OSBPL8: variants seen among roughly 807,000 people sequenced by gnomAD.
OSBPL8 encodes the protein oxysterol binding protein like 8, also known as oxysterol-binding protein-related protein 8.
OSBPL8 carries 59 observed loss-of-function variants against 125.5 expected under a neutral mutation model. The observed-to-expected ratio is 0.47, with a 90% CI of 0.38 to 0.58. OSBPL8 has a LOEUF of 0.58. Ranked by LOEUF, OSBPL8 falls within the 20% of genes least tolerant of loss-of-function variation. The probability of loss-of-function intolerance (pLI) is 0.00; values close to 1 mark genes in which losing one functional copy is unlikely to be tolerated. For synonymous variants in OSBPL8, 330 were observed against 338.9 expected (o/e 0.97, Z 0.29); for missense variants, 758 against 1,047.8 (o/e 0.72, Z 3.82).
intron 1 of OSBPL8, among the ~76,000 whole-genome samples, chr12:76,507,700 G>A (rs781107114): frequency 6.6e-6 from 1 of 151,484 alleles, no homozygotes; most frequent in African/African-American, 2.4e-5. Context: ...GTGCATGCCT[G>A]TAATCCCAGC....
Position 76,536,537 on chromosome 12 carries a change from C to T in OSBPL8, c.-68+22860G>A, listed in dbSNP as rs1400855008. ...GCTGGTAAATTACAGCAACACAATT[C>T]ATATTAGTTGAATTTGTATCTACCC... On this transcript the variant is annotated intron_variant, in intron 1 of 23. Transcript: ENST00000261183. 3.3e-5 allele frequency among the ~76,000 whole-genome samples: 5 copies of T among 152,158 alleles called. No individual in the cohort carries two copies. The East Asian group carries it at 7.7e-4, about 23-fold the overall frequency.
intron 2 of OSBPL8, among the ~76,000 whole-genome samples, chr12:76,486,820 T>C (rs1042851481): frequency 3.3e-5 from 5 of 152,148 alleles, no homozygotes; most frequent in African/African-American, 1.2e-4. Context: ...ATTTGAGATT[T>C]GGAGGCATTT....
intron 4 of OSBPL8, among the ~76,000 whole-genome samples, chr12:76,438,010 G>C (rs549318993): frequency 1.3e-5 from 2 of 151,376 alleles, no homozygotes; most frequent in African/African-American, 4.9e-5. Flanking sequence ...TTTTTGAGAC[G>C]GAGTCTTGCT....
chr12:76,395,542 C>T (rs1953755103), intron 8 of OSBPL8, among the ~76,000 whole-genome samples: 1 of 141,210 alleles, frequency 7.1e-6, no homozygotes, highest in African/African-American at 2.7e-5. Context: ...ATGACTTTAA[C>T]AAATACCGTA....
intron 4 of OSBPL8, among the ~76,000 whole-genome samples, chr12:76,437,153 T>C (rs1871558053): frequency 6.6e-6 from 1 of 152,206 alleles, no homozygotes; most frequent in South Asian, 2.1e-4. Context: ...CGTGAGAGTA[T>C]TCCTAGAAGC....
intron 1 of OSBPL8, among the ~76,000 whole-genome samples, chr12:76,537,392 C>T (rs1181912859): frequency 6.6e-6 from 1 of 152,108 alleles, no homozygotes; most frequent in Non-Finnish European, 1.5e-5. Flanking sequence ...TTAAAGAATG[C>T]AGGGTTACCA....
intron 1 of OSBPL8, among the ~76,000 whole-genome samples, chr12:76,506,683 T>TA (rs1375656968): frequency 6.6e-6 from 1 of 152,182 alleles, no homozygotes; most frequent in Non-Finnish European, 1.5e-5. Context: ...AAATTAATGA[T>TA]AAATGCCCTA....
intron 2 of OSBPL8, among the ~76,000 whole-genome samples, chr12:76,471,744 CA>C (rs1372839884): frequency 1.3e-5 from 2 of 152,188 alleles, no homozygotes; most frequent in African/African-American, 2.4e-5. Context: ...TGCATTCCTC[CA>C]AACACCCATC....
chr12:76,498,721 C>T (rs1389933600), intron 1 of OSBPL8, among the ~76,000 whole-genome samples: 1 of 136,736 alleles, frequency 7.3e-6, no homozygotes, highest in African/African-American at 2.8e-5. Flanking sequence ...TAAAAGCCTC[C>T]CCACTTTTTT....
chr12:76,558,133 A>T (rs992196278), intron 1 of OSBPL8, among the ~76,000 whole-genome samples: 2 of 148,694 alleles, frequency 1.3e-5, no homozygotes, highest in African/African-American at 5.2e-5. Flanking sequence ...ATATTAAAAA[A>T]AAATAAAAGT....
At position 76,352,992 on chromosome 12, in the gene OSBPL8, T is replaced by TA. The variant is rs1415246359; in HGVS notation, c.*2896dup. 6.6e-6 allele frequency: 1 copy of TA among 152,384 alleles called. No individual in the cohort carries two copies. The highest frequency in any genetic ancestry group is 2.4e-5 in the African/African-American group (1 of 41,410). The allele number at this position is 152,384 out of a possible 1,614,324, so 9.4% of individuals were successfully genotyped here. A position where few individuals can be genotyped will look rare whatever the true frequency, so the allele number is the denominator to read the frequency against. ...ATTGTTTAAATATACTATAGCTATA[T>TA]AAAAAGAAAGTAACACACAGAAATG... On this transcript the variant is annotated 3_prime_UTR_variant, in exon 24 of 24. Transcript: ENST00000261183.
intron 4 of OSBPL8, among the ~76,000 whole-genome samples, chr12:76,439,427 A>T (rs80037454): frequency 0.024 from 3,582 of 152,230 alleles, 44 homozygotes; most frequent in Admixed American, 0.039. Context: ...AGAATGATTT[A>T]AAAAAACTGT....
rs1951891925 is a variant in OSBPL8 at position 76,353,584 on chromosome 12, A to G, written c.*2305T>C. On this transcript the variant is annotated 3_prime_UTR_variant, in exon 24 of 24. Transcript: ENST00000261183. ...AAATAACATTCAAAGTCAATTACAT[A>G]TATGGCTACAAAGTTAGTAATTATG... 6.6e-6 allele frequency: 1 copy of G among 152,414 alleles called. No homozygotes were observed. The highest frequency in any genetic ancestry group is 2.1e-4 in the South Asian group (1 of 4,834). 9.4% of individuals were successfully genotyped at this position (152,414 alleles called of 1,614,324 possible). A position where few individuals can be genotyped will look rare whatever the true frequency, so the allele number is the denominator to read the frequency against.
intron 21 of OSBPL8, chr12:76,366,603 T>C (rs1432876054): frequency 2.2e-6 from 1 of 449,100 alleles, no homozygotes; most frequent in Non-Finnish European, 4.4e-6. Context: ...TTTTTTCTTC[T>C]TTTTCCAGTT....
At chr12:76,526,732 C>A (rs1190235517) in intron 1 of OSBPL8, among the ~76,000 whole-genome samples, 2 of 145,686 alleles carry the variant, frequency 1.4e-5, no homozygotes, top group African/African-American at 2.5e-5. Context: ...CTCACCACAA[C>A]CTCCGCCTCC....
intron 5 of OSBPL8, among the ~76,000 whole-genome samples, chr12:76,406,001 C>CA (rs1954247792): frequency 6.6e-6 from 1 of 152,134 alleles, no homozygotes; most frequent in East Asian, 1.9e-4. Flanking sequence ...TTTAACCTGT[C>CA]AGTCTTAGTT....
chr12:76,478,096 G>A (rs953444579), intron 2 of OSBPL8, among the ~76,000 whole-genome samples: 6 of 151,960 alleles, frequency 3.9e-5, no homozygotes, highest in Non-Finnish European at 1.5e-5. Context: ...CAGCTACTCC[G>A]AAGGCTGAGG....
rs1433955050 is a variant in OSBPL8, at chr12:76,389,797, A to G, written c.1200T>C (p.Ser400=). The G allele has an allele frequency of 6.4e-7, 1 of 1,555,516 alleles. No homozygotes were observed. Among genetic ancestry groups the G allele is most frequent in the Non-Finnish European group, 8.7e-7 (1 of 1,149,604 alleles). Residue 400 remains serine, a synonymous_variant, in exon 12 of 24, where the codon TCT becomes TCC. Coordinates refer to ENST00000261183, the MANE Select transcript of OSBPL8 (RefSeq NM_020841.5). ...TCCAGATAAGGCTTTTGTTTTCTTC[A>G]GATACAGTTTCTGTTTGAGAAGCCT... ...AGEASQTETV[S]EENKSLIWTL... is the part of the protein sequence containing the mutation.
rs947991342 is a variant in OSBPL8 at position 76,532,483 on chromosome 12, A to C, written c.-68+26914T>G. Among the ~76,000 whole-genome samples, 5 of 152,208 alleles carry C rather than the reference A, an allele frequency of 3.3e-5. No homozygotes were observed. The South Asian group carries it at 6.2e-4, about 19-fold the overall frequency. ...TGTATTAGGATCATGGCAAATCTATAAAGGCTGAAAGGCTTGGGTTCAGCC... is the reference window on the plus strand; with the variant it reads ...TGTATTAGGATCATGGCAAATCTATCAAGGCTGAAAGGCTTGGGTTCAGCC... On this transcript the variant is annotated intron_variant, in intron 1 of 23. Coordinates refer to ENST00000261183, the MANE Select transcript of OSBPL8 (RefSeq NM_020841.5).
Sources: gnomAD v4.1 joint callset for allele counts (sites outside exome capture counted in the v4.1 genomes callset) on GRCh38, gnomAD v4.1.1 for gene constraint, MANE v1.5 for transcripts, NCBI Gene and HGNC (gene_info 2026-07-23, HGNC 2026-07-21) for gene names.